B3GNT6: variants seen among roughly 807,000 people sequenced by gnomAD.
The protein encoded by B3GNT6 is UDP-GlcNAc:betaGal beta-1,3-N-acetylglucosaminyltransferase 6.
For missense variants in B3GNT6, 624 were observed against 568.6 expected (o/e 1.10, Z -0.99); for synonymous variants, 300 against 270.0 (o/e 1.11, Z -1.09).
chr11:77,034,887 G>A (rs1447661148), intron 1 of B3GNT6, among the ~76,000 whole-genome samples: 1 of 152,176 alleles, frequency 6.6e-6, no homozygotes, highest in East Asian at 1.9e-4. Flanking sequence ...GGCCAGGCGA[G>A]ATGGCTCATG....
chr11:77,039,989 C>A lies in B3GNT6; in HGVS notation c.438C>A (p.Tyr146Ter). 6.3e-7 allele frequency: 1 copy of A among 1,577,444 alleles called. No homozygotes were observed. Among genetic ancestry groups the A allele is most frequent in the Non-Finnish European group, 8.5e-7 (1 of 1,170,360 alleles). ...GCACGTGGGGGCAAGAGCGCAGCTACGGCGGGCGGCCAGTGCGCCGCCTCT... is the reference window on the plus strand; with the variant it reads ...GCACGTGGGGGCAAGAGCGCAGCTAAGGCGGGCGGCCAGTGCGCCGCCTCT... ...IRRTWGQERSYGGRPVRRLFL... is the reference protein window; with the variant it reads ...IRRTWGQERS Residue 146 changes from tyrosine (Y) to a stop codon, truncating the protein, a stop_gained, in exon 2 of 2, where the codon TAC becomes TAA. Coordinates refer to ENST00000622824, the MANE Select transcript of B3GNT6 (RefSeq NM_138706.5). LOFTEE classifies it low-confidence loss of function (END_TRUNC).
chr11:77,039,685 A>T lies in B3GNT6; in HGVS notation c.134A>T (p.Glu45Val), dbSNP rs897377496. 6.2e-7 allele frequency: 1 copy of T among 1,611,928 alleles called. No individual in the cohort carries two copies. Among genetic ancestry groups the T allele is most frequent in the East Asian group, 2.2e-5 (1 of 44,790 alleles). ...RSPREERSPQ[E>V]ETPEGPTDAP... is the part of the protein sequence containing the mutation. ...CCGCGGGAGGAGAGGTCCCCGCAGG[A>T]GGAGACGCCAGAGGGTCCCACCGAC... Residue 45 changes from glutamate (E) to valine (V), a missense_variant, in exon 2 of 2, where the codon GAG becomes GTG. Glu to Val is a moderately radical substitution (Grantham distance 121). Coordinates refer to ENST00000622824, the MANE Select transcript of B3GNT6 (RefSeq NM_138706.5).
At chr11:77,039,131 G>C (rs1949662068) in intron 1 of B3GNT6, among the ~76,000 whole-genome samples, 1 of 152,202 alleles carries the variant, frequency 6.6e-6, no homozygotes, top group Non-Finnish European at 1.5e-5. Context: ...AAATGAGAGG[G>C]ATGTAGGGCG....
At position 77,040,516 on chromosome 11, in the gene B3GNT6, C is replaced by G; in HGVS notation, c.965C>G (p.Ala322Gly). 6.4e-7 allele frequency: 1 copy of G among 1,553,170 alleles called. No individual in the cohort carries two copies. Among genetic ancestry groups the G allele is most frequent in the Non-Finnish European group, 8.6e-7 (1 of 1,156,286 alleles). Residue 322 changes from alanine to glycine, a missense_variant, in exon 2 of 2, where the codon GCG becomes GGG. By Grantham distance (60) the Ala-to-Gly change is moderately conservative (BLOSUM62 0). Coordinates refer to ENST00000622824, the MANE Select transcript of B3GNT6 (RefSeq NM_138706.5). ...ATGTGTCTGGAGCGCGCCGGCCTGG[C>G]GCCCAGCGGCCACGAGGGCATCCGA... ...MGMCLERAGLAPSGHEGIRPF... is the reference protein window; with the variant it reads ...MGMCLERAGLGPSGHEGIRPF...
chr11:77,036,805 T>G (rs561769705), intron 1 of B3GNT6, among the ~76,000 whole-genome samples: 1 of 152,164 alleles, frequency 6.6e-6, no homozygotes, highest in Admixed American at 6.5e-5. Flanking sequence ...GTGCTGGTAA[T>G]ACAACGGTGA....
chr11:77,037,940 A>AAAGAAG (rs781856210), intron 1 of B3GNT6, among the ~76,000 whole-genome samples: 15 of 60,384 alleles, frequency 2.5e-4, no homozygotes, highest in African/African-American at 1.3e-3. Flanking sequence ...AGAAAGGAAG[A>AAAGAAG]AAGAAGAAGA....
At position 77,041,088 on chromosome 11, in the gene B3GNT6, G is replaced by A. The variant is rs575924228; in HGVS notation, c.*382G>A. 3 of 211,308 alleles carry A rather than the reference G, an allele frequency of 1.4e-5. No homozygotes were observed. The highest frequency in any genetic ancestry group is 1.8e-4 in the South Asian group (1 of 5,668). 13.1% of individuals were successfully genotyped at this position (211,308 alleles called of 1,614,324 possible). A position where few individuals can be genotyped will look rare whatever the true frequency, so the allele number is the denominator to read the frequency against. On this transcript the variant is annotated 3_prime_UTR_variant, in exon 2 of 2. Transcript: ENST00000622824. ...CGGGTCCTCTTGAGCAGTGGAGCAAGGGAGACCTGGGAGCGTGGGAGCCAG... is the reference window on the plus strand; with the variant it reads ...CGGGTCCTCTTGAGCAGTGGAGCAAAGGAGACCTGGGAGCGTGGGAGCCAG...
rs1555027515 is a variant in B3GNT6 at position 77,039,958 on chromosome 11, T to A, written c.407T>A (p.Ile136Asn). ...GAGCACTACGAGCGACGCGAGCTCA[T>A]CCGGCGCACGTGGGGGCAAGAGCGC... is the stretch of plus-strand genomic sequence containing the variant. ...APEHYERREL[I>N]RRTWGQERSY... Residue 136 changes from isoleucine (I) to asparagine (N), a missense_variant, in exon 2 of 2, where the codon ATC becomes AAC. Transcript: ENST00000622824. 2 of 1,591,286 alleles carry A rather than the reference T, an allele frequency of 1.3e-6. No homozygotes were observed. Among genetic ancestry groups the A allele is most frequent in the South Asian group, 2.2e-5 (2 of 90,072 alleles).
At position 77,039,367 on chromosome 11, in the gene B3GNT6, T is replaced by C. The variant is rs1350719772; in HGVS notation, c.1-185T>C. 2.0e-5 allele frequency among the ~76,000 whole-genome samples: 3 copies of C among 152,196 alleles called. No homozygotes were observed. In the East Asian group the frequency reaches 5.8e-4, roughly 29 times the overall value. ...TCAAATCTGAAGGTCAGAGGAACGG[T>C]CCGGAGTGTGGGAGACCAGAGACCG... On this transcript the variant is annotated intron_variant, in intron 1 of 1. Transcript: ENST00000622824.
rs782118468 is a variant in B3GNT6, at chr11:77,040,030, CGGG to C, written c.480_482del (p.Gly161del). On this transcript the variant is annotated inframe_deletion, in exon 2 of 2. Coordinates refer to ENST00000622824, the MANE Select transcript of B3GNT6 (RefSeq NM_138706.5). ...CGCCGCCTCTTTCTATTGGGCACCC[CGGG>C]CCCCGAGGACGAGGCGCGCGCGGAG... The C allele has an allele frequency of 8.8e-5, 139 of 1,578,754 alleles. 2 individuals carry two copies. In the South Asian group the frequency reaches 1.5e-3, roughly 17 times the overall value.
intron 1 of B3GNT6, among the ~76,000 whole-genome samples, chr11:77,038,090 A>AGGGGGCAAGGGGGAGGGGGG (rs1565240581): frequency 6.1e-5 from 1 of 16,270 alleles, no homozygotes; most frequent in Admixed American, 9.5e-4. Context: ...GATGAGGGGG[A>AGGGGGCAAGGGGGAGGGGGG]GGAGGAGGGG....
chr11:77,040,288 T>A lies in B3GNT6; in HGVS notation c.737T>A (p.Phe246Tyr), dbSNP rs782781650. The A allele has an allele frequency of 6.3e-7, 1 of 1,592,438 alleles. No homozygotes were observed. Among genetic ancestry groups the A allele is most frequent in the Admixed American group, 1.7e-5 (1 of 59,024 alleles). ...GCGCAGCCACCCGGCCGCCACCTGTTCTCCGGCCAGCTCATGGAGGGCTCC... is the reference window on the plus strand; with the variant it reads ...GCGCAGCCACCCGGCCGCCACCTGTACTCCGGCCAGCTCATGGAGGGCTCC... ...LQAQPPGRHL[F>Y]SGQLMEGSVP... The change falls in exon 2 of 2, where the codon TTC (phenylalanine) becomes TAC (tyrosine). Residue 246 changes from phenylalanine (F) to tyrosine (Y), a missense_variant. By Grantham distance (22) the Phe-to-Tyr change is conservative. Transcript: ENST00000622824.
chr11:77,034,809 A>G (rs184552057), intron 1 of B3GNT6, among the ~76,000 whole-genome samples: 8 of 152,334 alleles, frequency 5.3e-5, no homozygotes, highest in African/African-American at 1.2e-4. Context: ...CCAGCTAGCT[A>G]TCTCAGCATC....
rs1047531418 is a variant in B3GNT6, at chr11:77,040,974, G to C, written c.*268G>C. 6 of 463,754 alleles carry C rather than the reference G, an allele frequency of 1.3e-5. No homozygotes were observed. The highest frequency in any genetic ancestry group is 4.1e-5 in the Admixed American group (1 of 24,162). 28.7% of individuals were successfully genotyped at this position (463,754 alleles called of 1,614,324 possible). A position where few individuals can be genotyped will look rare whatever the true frequency, so the allele number is the denominator to read the frequency against. On this transcript the variant is annotated 3_prime_UTR_variant, in exon 2 of 2. Transcript: ENST00000622824. ...GATGCGAATGTGCAGCTAGGCCTGA[G>C]GACCACTCGGCTAGACTATCTCTTC...
Position 77,040,194 on chromosome 11 carries a change from G to A in B3GNT6, c.643G>A (p.Ala215Thr), listed in dbSNP as rs782714525. Reference protein sequence around the residue: ...LDWLAARCPHARFLLSGDDDV... With the variant: ...LDWLAARCPHTRFLLSGDDDV... ...CTGGCTGGCTGCACGCTGCCCGCACGCGCGCTTTCTGCTCAGCGGCGACGA... is the reference window on the plus strand; with the variant it reads ...CTGGCTGGCTGCACGCTGCCCGCACACGCGCTTTCTGCTCAGCGGCGACGA... Residue 215 changes from alanine to threonine, a missense_variant, in exon 2 of 2, where the codon GCG becomes ACG. Physicochemically the swap from Ala to Thr is moderately conservative, Grantham distance 58. Coordinates refer to ENST00000622824, the MANE Select transcript of B3GNT6 (RefSeq NM_138706.5). The A allele has an allele frequency of 6.3e-7, 1 of 1,599,252 alleles. No homozygotes were observed. The highest frequency in any genetic ancestry group is 8.5e-7 in the Non-Finnish European group (1 of 1,179,478).
chr11:77,037,470 G>A (rs1555027047), intron 1 of B3GNT6, among the ~76,000 whole-genome samples: 1 of 152,132 alleles, frequency 6.6e-6, no homozygotes, highest in Non-Finnish European at 1.5e-5. Context: ...GGTGGCTGTG[G>A]ACAGCCATAT....
chr11:77,038,895 A>G (rs1949660409), intron 1 of B3GNT6, among the ~76,000 whole-genome samples: 1 of 152,128 alleles, frequency 6.6e-6, no homozygotes, highest in African/African-American at 2.4e-5. Context: ...CATGCTCACA[A>G]CAGCCCTGCA....
chr11:77,035,178 G>A (rs1591088174), intron 1 of B3GNT6, among the ~76,000 whole-genome samples: 1 of 152,208 alleles, frequency 6.6e-6, no homozygotes, highest in African/African-American at 2.4e-5. Context: ...ATAAATGGAT[G>A]TGTTAATATG....
intron 1 of B3GNT6, among the ~76,000 whole-genome samples, chr11:77,035,248 T>C (rs1170948620): frequency 6.6e-6 from 1 of 152,232 alleles, no homozygotes; most frequent in East Asian, 1.9e-4. Context: ...AGGAACTTTA[T>C]AAAGCTTATA....
Sources: gnomAD v4.1 joint callset for allele counts (sites outside exome capture counted in the v4.1 genomes callset) on GRCh38, gnomAD v4.1.1 for gene constraint, MANE v1.5 for transcripts, NCBI Gene and HGNC (gene_info 2026-07-23, HGNC 2026-07-21) for gene names.